The following IP6K1 variants were observed in gnomAD, a reference collection of about 807,000 sequenced individuals.
IP6K1 encodes inositol hexakisphosphate kinase 1, also known as ATP:1D-myo-inositol-hexakisphosphate phosphotransferase.
In IP6K1, 13 loss-of-function variants were observed where a neutral mutation model predicts 38.3. The observed-to-expected ratio is 0.34, with a 90% CI of 0.22 to 0.54. The LOEUF is 0.54. Among genes scored for constraint, IP6K1 ranks in the 20% least tolerant of loss-of-function variants. The pLI, the probability that IP6K1 is intolerant of heterozygous loss-of-function variation, is 0.92. For synonymous variants in IP6K1, 212 were observed against 229.9 expected (o/e 0.92, Z 0.70); for missense variants, 397 against 599.8 (o/e 0.66, Z 3.53).
intron 2 of IP6K1, among the ~76,000 whole-genome samples, chr3:49,741,038 C>T (rs189879162): frequency 3.9e-5 from 6 of 152,146 alleles, no homozygotes; most frequent in African/African-American, 1.4e-4. Flanking sequence ...TTAGCAGAGA[C>T]AGGGTTTTGC....
intron 2 of IP6K1, among the ~76,000 whole-genome samples, chr3:49,741,666 A>C (rs949989623): frequency 1.3e-5 from 2 of 152,256 alleles, no homozygotes. Flanking sequence ...ATGTAGCTTC[A>C]GCCACCTATC....
At chr3:49,763,851 A>G (rs1037668534) in intron 1 of IP6K1, among the ~76,000 whole-genome samples, 3 of 152,064 alleles carry the variant, frequency 2.0e-5, no homozygotes, top group Non-Finnish European at 2.9e-5. Flanking sequence ...CCCCGTCTCT[A>G]CTAAAAATAA....
At chr3:49,770,789 G>A (rs150358078) in intron 1 of IP6K1, among the ~76,000 whole-genome samples, 12 of 152,140 alleles carry the variant, frequency 7.9e-5, no homozygotes, top group East Asian at 1.9e-4. Flanking sequence ...TTGATAAATC[G>A]GACTTCATCA....
In IP6K1 at chr3:49,724,462, G is replaced by A. The variant is rs1199375887; in HGVS notation, c.*2660C>T. ...GGAGCCACCGGCGCAGGCCTCGGGCGGTGGAGACAGGCTTAGCTTCCAGGA... is the reference window on the plus strand; with the variant it reads ...GGAGCCACCGGCGCAGGCCTCGGGCAGTGGAGACAGGCTTAGCTTCCAGGA... On this transcript the variant is annotated 3_prime_UTR_variant, in exon 6 of 6. Transcript: ENST00000321599. The A allele has an allele frequency of 3.3e-5, 5 of 152,280 alleles. No individual in the cohort carries two copies. The highest frequency in any genetic ancestry group is 2.9e-5 in the Non-Finnish European group (2 of 68,074). 9.4% of individuals were successfully genotyped at this position (152,280 alleles called of 1,614,324 possible).
intron 1 of IP6K1, among the ~76,000 whole-genome samples, chr3:49,766,263 T>G (rs1441481901): frequency 6.6e-6 from 1 of 151,006 alleles, no homozygotes; most frequent in African/African-American, 2.4e-5. Flanking sequence ...ATCTCGGGAG[T>G]CTGGCTGAGG....
At chr3:49,757,797 A>G (rs1206549204) in intron 1 of IP6K1, among the ~76,000 whole-genome samples, 1 of 152,180 alleles carries the variant, frequency 6.6e-6, no homozygotes, top group African/African-American at 2.4e-5. Context: ...CACTCACGCT[A>G]ATTTCAATTA....
chr3:49,760,451 C>A (rs2080858390), intron 1 of IP6K1, among the ~76,000 whole-genome samples: 1 of 151,930 alleles, frequency 6.6e-6, no homozygotes, highest in African/African-American at 2.4e-5. Context: ...CGGTGAAACC[C>A]CGTCTTTACT....
At chr3:49,774,114 T>G (rs925319869) in intron 1 of IP6K1, among the ~76,000 whole-genome samples, 2 of 151,870 alleles carry the variant, frequency 1.3e-5, no homozygotes, top group Non-Finnish European at 2.9e-5. Context: ...CCATTAAATT[T>G]AAATTTGCAG....
Position 49,733,386 on chromosome 3 carries a change from T to C in IP6K1, c.435-414A>G, listed in dbSNP as rs77113407. On this transcript the variant is annotated intron_variant, in intron 3 of 5. Transcript: ENST00000321599. ...TCTCAAAAAGTTAAACATAGATTTA[T>C]ATATAACTCAGCAATTCCATTCCTA... 1.2e-3 allele frequency among the ~76,000 whole-genome samples: 188 copies of C among 152,246 alleles called. 3 individuals carry two copies. The East Asian group carries it at 0.025, about 21-fold the overall frequency.
In IP6K1 at chr3:49,725,292, A is replaced by G. The variant is rs534183746; in HGVS notation, c.*1830T>C. 1.3e-3 allele frequency: 197 copies of G among 152,200 alleles called. 1 individual carries two copies. The highest frequency in any genetic ancestry group is 1.0e-4 in the Non-Finnish European group (7 of 67,966). 9.4% of individuals were successfully genotyped at this position (152,200 alleles called of 1,614,324 possible). A position where few individuals can be genotyped will look rare whatever the true frequency, so the allele number is the denominator to read the frequency against. ...CAAACAGTTCCAGACCCTATGTCTT[A>G]CCCTCCACCCTACCAGGGAATGACT... is the stretch of plus-strand genomic sequence containing the variant. On this transcript the variant is annotated 3_prime_UTR_variant, in exon 6 of 6. Coordinates refer to ENST00000321599, the MANE Select transcript of IP6K1 (RefSeq NM_153273.4).
intron 4 of IP6K1, among the ~76,000 whole-genome samples, chr3:49,729,807 T>A (rs564054587): frequency 3.3e-5 from 5 of 152,200 alleles, no homozygotes; most frequent in African/African-American, 1.2e-4. Context: ...CAGAGCTCGC[T>A]GCAGCACTGA....
intron 1 of IP6K1, among the ~76,000 whole-genome samples, chr3:49,750,466 G>A (rs1051509263): frequency 7.9e-5 from 12 of 152,026 alleles, no homozygotes; most frequent in African/African-American, 2.9e-4. Flanking sequence ...AGGCCGAGGC[G>A]GACGGATCAC....
intron 1 of IP6K1, among the ~76,000 whole-genome samples, chr3:49,759,233 A>C (rs928131471): frequency 6.6e-6 from 1 of 152,220 alleles, no homozygotes; most frequent in African/African-American, 2.4e-5. Context: ...GAAATCATTT[A>C]AATGCCTTGA....
At chr3:49,766,117 C>T (rs918068731) in intron 1 of IP6K1, among the ~76,000 whole-genome samples, 3 of 151,730 alleles carry the variant, frequency 2.0e-5, no homozygotes, top group Non-Finnish European at 2.9e-5. Context: ...CGGAGCTTGC[C>T]GTGAGCCGAG....
In IP6K1 at chr3:49,726,995, C is replaced by A; in HGVS notation, c.*127G>T. 5.0e-6 allele frequency: 5 copies of A among 995,040 alleles called. No homozygotes were observed. The highest frequency in any genetic ancestry group is 3.3e-5 in the South Asian group (2 of 61,524). The allele number at this position is 995,040 out of a possible 1,614,324, so 61.6% of individuals were successfully genotyped here. Reference sequence around the variant, plus strand: ...TTCCAGGCTACAGCTAAAAACATTTCTTTTAGTTTACACCAAAGAGAAATA... The same window carrying A: ...TTCCAGGCTACAGCTAAAAACATTTATTTTAGTTTACACCAAAGAGAAATA... On this transcript the variant is annotated 3_prime_UTR_variant, in exon 6 of 6. Coordinates refer to ENST00000321599, the MANE Select transcript of IP6K1 (RefSeq NM_153273.4).
chr3:49,731,526 C>T (rs2080561459), intron 4 of IP6K1, among the ~76,000 whole-genome samples: 1 of 152,182 alleles, frequency 6.6e-6, no homozygotes, highest in Non-Finnish European at 1.5e-5. Flanking sequence ...CTGCCTTGAC[C>T]ACTCACTACC....
At chr3:49,773,471 C>T (rs1032553880) in intron 1 of IP6K1, among the ~76,000 whole-genome samples, 16 of 152,060 alleles carry the variant, frequency 1.1e-4, no homozygotes, top group Non-Finnish European at 2.1e-4. Context: ...ATTAGCTGGG[C>T]GTGGTGGCGG....
intron 3 of IP6K1, among the ~76,000 whole-genome samples, chr3:49,736,578 A>G (rs1209302550): frequency 6.6e-6 from 1 of 152,156 alleles, no homozygotes; most frequent in Non-Finnish European, 1.5e-5. Flanking sequence ...CTAACATTCC[A>G]TTACATGGAT....
chr3:49,774,809 T>C (rs1273327247), intron 1 of IP6K1, among the ~76,000 whole-genome samples: 1 of 152,210 alleles, frequency 6.6e-6, no homozygotes, highest in East Asian at 1.9e-4. Context: ...CACTGAGTTA[T>C]TGAATACTGA....
Sources: allele counts gnomAD v4.1 joint callset (sites outside exome capture counted in the v4.1 genomes callset), GRCh38; gene constraint gnomAD v4.1.1; transcripts MANE v1.5; gene names NCBI Gene and HGNC (gene_info 2026-07-23, HGNC 2026-07-21).